The following NRXN1 variants were observed in gnomAD, a reference collection of about 807,000 sequenced individuals.
NRXN1 encodes neurexin-1.
Under a neutral mutation model 150.9 loss-of-function variants are expected in NRXN1, and 39 were observed. The ratio of observed to expected loss-of-function variants is 0.26; its 90% CI spans 0.20 to 0.34. The LOEUF (loss-of-function observed/expected upper bound fraction) is 0.34. NRXN1 is among the 10% of genes least tolerant of loss of function. The pLI, the probability that NRXN1 is intolerant of heterozygous loss-of-function variation, is 1.00. For synonymous variants in NRXN1, 924 were observed against 757.0 expected, an observed-to-expected ratio of 1.22 and a Z score of -3.62; for missense variants, 1,815 against 1,949.9, an observed-to-expected ratio of 0.93 and a Z score of 1.30.
intron 21 of NRXN1, among the ~76,000 whole-genome samples, chr2:49,997,904 G>A (rs921159838): frequency 1.3e-5 from 2 of 152,094 alleles, no homozygotes; most frequent in African/African-American, 4.8e-5. Flanking sequence ...GGCTTAAAGT[G>A]AGGGCAATAA....
intron 2 of NRXN1, among the ~76,000 whole-genome samples, chr2:50,960,059 G>A (rs1692899282): frequency 6.6e-6 from 1 of 151,738 alleles, no homozygotes; most frequent in African/African-American, 2.4e-5. Flanking sequence ...CTCTTCCACT[G>A]TTCTCAAAAG....
intron 17 of NRXN1, among the ~76,000 whole-genome samples, chr2:50,403,037 C>T (rs1362011289): frequency 6.6e-6 from 1 of 152,076 alleles, no homozygotes; most frequent in Non-Finnish European, 1.5e-5. Flanking sequence ...ACTAACTTCC[C>T]TTATAATCAT....
At chr2:50,362,347 C>T (rs2079274878) in intron 17 of NRXN1, among the ~76,000 whole-genome samples, 1 of 152,100 alleles carries the variant, frequency 6.6e-6, no homozygotes, top group Non-Finnish European at 1.5e-5. Context: ...TTTAGAAAAT[C>T]CCATTGTCTC....
At chr2:50,940,145 A>T (rs1485524261) in intron 2 of NRXN1, among the ~76,000 whole-genome samples, 1 of 152,148 alleles carries the variant, frequency 6.6e-6, no homozygotes, top group Non-Finnish European at 1.5e-5. Context: ...ATGAACTTAG[A>T]GTGCAGTTTA....
rs1189517617 is a variant in NRXN1 at position 50,813,442 on chromosome 2, T to C, written c.832+108427A>G. 3.3e-4 allele frequency among the ~76,000 whole-genome samples: 50 copies of C among 152,182 alleles called. 1 individual carries two copies. On this transcript the variant is annotated intron_variant, in intron 5 of 22. Coordinates refer to ENST00000401669, the MANE Select transcript of NRXN1 (RefSeq NM_001330078.2). Reference sequence around the variant, plus strand: ...GGTTTTATTAGTAATGTATTACATTTGCATAGCATTATGTATTATATTGAA... The same window carrying C: ...GGTTTTATTAGTAATGTATTACATTCGCATAGCATTATGTATTATATTGAA...
At chr2:50,785,494 C>G (rs558860794) in intron 5 of NRXN1, among the ~76,000 whole-genome samples, 1 of 152,064 alleles carries the variant, frequency 6.6e-6, no homozygotes, top group Non-Finnish European at 1.5e-5. Context: ...ATGGTCCGCC[C>G]GCCTTGGCCT....
chr2:50,685,630 C>T (rs544902570), intron 5 of NRXN1, among the ~76,000 whole-genome samples: 1 of 152,228 alleles, frequency 6.6e-6, no homozygotes, highest in African/African-American at 2.4e-5. Context: ...CCCTTAAGTT[C>T]AGGCACAAAT....
At chr2:50,513,167 G>C (rs147106945) in intron 12 of NRXN1, among the ~76,000 whole-genome samples, 4 of 152,132 alleles carry the variant, frequency 2.6e-5, no homozygotes, top group Middle Eastern at 3.4e-3. Context: ...TAATGTGTTT[G>C]GTGCTTTGCA....
chr2:50,270,529 T>C (rs1238153885), intron 17 of NRXN1, among the ~76,000 whole-genome samples: 1 of 152,170 alleles, frequency 6.6e-6, no homozygotes, highest in African/African-American at 2.4e-5. Flanking sequence ...ATAAAAGGTA[T>C]GTCTCAGCTC....
chr2:50,480,666 G>A (rs1225809562), intron 15 of NRXN1, among the ~76,000 whole-genome samples: 1 of 152,150 alleles, frequency 6.6e-6, no homozygotes. Context: ...ACCACTCAAA[G>A]ACTCCTAAGG....
intron 18 of NRXN1, among the ~76,000 whole-genome samples, chr2:50,172,386 C>T (rs2060085313): frequency 6.6e-6 from 1 of 152,074 alleles, no homozygotes; most frequent in Admixed American, 6.6e-5. Context: ...CCTTGAAGGA[C>T]TCTCTAGCTT....
chr2:50,699,754 G>C (rs1693461981), intron 5 of NRXN1, among the ~76,000 whole-genome samples: 1 of 151,992 alleles, frequency 6.6e-6, no homozygotes, highest in Admixed American at 6.6e-5. Flanking sequence ...CCCAAGCAGA[G>C]GACCTACCCT....
At chr2:50,054,245 TG>T (rs746393277) in intron 20 of NRXN1, among the ~76,000 whole-genome samples, 6 of 69,392 alleles carry the variant, frequency 8.6e-5, no homozygotes, top group African/African-American at 1.6e-4. Context: ...CAAAACAAAA[TG>T]AAAAAAAAAA....
chr2:50,039,847 G>A (rs1395841864), intron 21 of NRXN1, among the ~76,000 whole-genome samples: 1 of 152,082 alleles, frequency 6.6e-6, no homozygotes, highest in African/African-American at 2.4e-5. Context: ...CAAATATAAC[G>A]CAAAATAAAA....
intron 5 of NRXN1, among the ~76,000 whole-genome samples, chr2:50,769,430 A>T (rs1243618086): frequency 6.6e-6 from 1 of 152,146 alleles, no homozygotes; most frequent in African/African-American, 2.4e-5. Context: ...GAAATATTAT[A>T]CATTTTGATA....
intron 5 of NRXN1, among the ~76,000 whole-genome samples, chr2:50,873,247 A>G (rs1033921954): frequency 2.0e-5 from 3 of 151,870 alleles, no homozygotes; most frequent in Non-Finnish European, 2.9e-5. Context: ...TGACTGGCAT[A>G]TAATAACACT....
At chr2:50,894,520 T>A (rs954473669) in intron 5 of NRXN1, among the ~76,000 whole-genome samples, 1 of 151,976 alleles carries the variant, frequency 6.6e-6, no homozygotes, top group African/African-American at 2.4e-5. Context: ...ACTTAATTAA[T>A]ATATTCTATA....
At chr2:50,973,094 T>C (rs945523461) in intron 2 of NRXN1, among the ~76,000 whole-genome samples, 2 of 152,110 alleles carry the variant, frequency 1.3e-5, no homozygotes, top group African/African-American at 4.8e-5. Context: ...ATAACTATGA[T>C]CTCCTATTCA....
At chr2:50,723,820 T>C (rs1001775588) in intron 5 of NRXN1, among the ~76,000 whole-genome samples, 3 of 152,210 alleles carry the variant, frequency 2.0e-5, no homozygotes, top group Non-Finnish European at 4.4e-5. Flanking sequence ...ATCAGCTGCA[T>C]ACCAACCACT....
Sources: gnomAD v4.1 joint callset for allele counts (sites outside exome capture counted in the v4.1 genomes callset) on GRCh38, gnomAD v4.1.1 for gene constraint, MANE v1.5 for transcripts, NCBI Gene and HGNC (gene_info 2026-07-23, HGNC 2026-07-21) for gene names.